Variants in SCLT1 observed in about 807,000 individuals in gnomAD.
The protein encoded by SCLT1 is sodium channel and clathrin linker 1, also known as sodium channel-associated protein 1.
Under a neutral mutation model 112.8 loss-of-function variants are expected in SCLT1, and 78 were observed. The observed-to-expected ratio is 0.69, with a 90% CI of 0.58 to 0.83. The LOEUF (loss-of-function observed/expected upper bound fraction) is 0.83, where lower values mean the gene tolerates loss of function less well. Ranked by LOEUF, SCLT1 falls within the 40% of genes least tolerant of loss-of-function variation. The pLI is 0.00. For synonymous variants in SCLT1, 257 were observed against 254.7 expected (o/e 1.01, Z -0.09); for missense variants, 747 against 770.4 (o/e 0.97, Z 0.36).
At chr4:128,921,382 CCAT>C (rs1735870711) in intron 18 of SCLT1, among the ~76,000 whole-genome samples, 1 of 151,982 alleles carries the variant, frequency 6.6e-6, no homozygotes, top group Admixed American at 6.6e-5. Flanking sequence ...ACTGGAGGCA[CCAT>C]GTTAATGAAT....
At chr4:128,923,442 C>T (rs1256468547) in intron 18 of SCLT1, among the ~76,000 whole-genome samples, 3 of 60,952 alleles carry the variant, frequency 4.9e-5, no homozygotes, top group Non-Finnish European at 5.9e-5. Flanking sequence ...GAGACTCCAT[C>T]TCAAAAAAAA....
intron 20 of SCLT1, among the ~76,000 whole-genome samples, chr4:128,885,158 C>T (rs912987646): frequency 6.6e-6 from 1 of 151,938 alleles, no homozygotes; most frequent in Admixed American, 6.6e-5. Context: ...CAATGCAAGG[C>T]TGATAATAAA....
At chr4:129,057,931 T>C (rs1749589697) in intron 2 of SCLT1, among the ~76,000 whole-genome samples, 1 of 152,034 alleles carries the variant, frequency 6.6e-6, no homozygotes, top group Non-Finnish European at 1.5e-5. Context: ...TTTGTATTTT[T>C]AGTAAAGACG....
intron 4 of SCLT1, chr4:129,039,988 T>A: frequency 1.9e-6 from 1 of 533,560 alleles, no homozygotes; most frequent in Non-Finnish European, 3.4e-6. Flanking sequence ...CGGTAACTAA[T>A]TCATGATTGT....
Position 129,035,872 on chromosome 4 carries a change from C to CT in SCLT1, c.290+3168dup, listed in dbSNP as rs1313010360. ...ATTTTTTTTTTACATTTTCCTCAGT[C>CT]TGAGTTTTATAAAATGACTTCATTA... On this transcript the variant is annotated intron_variant, in intron 5 of 20. Coordinates refer to ENST00000281142, the MANE Select transcript of SCLT1 (RefSeq NM_144643.4). Among the ~76,000 whole-genome samples, 14 of 151,554 alleles carry CT rather than the reference C, an allele frequency of 9.2e-5. No individual in the cohort carries two copies. The South Asian group carries it at 2.9e-3, about 32-fold the overall frequency.
Position 129,082,298 on chromosome 4 carries a change from T to C in SCLT1, c.102+8A>G. Reference sequence around the variant, plus strand: ...AATATTCCCAAGTAGAATTTATAATTTACATACCTGTACAGATGAATATTT... The same window carrying C: ...AATATTCCCAAGTAGAATTTATAATCTACATACCTGTACAGATGAATATTT... On this transcript the variant is annotated splice_region_variant and intron_variant, in intron 2 of 20. Coordinates refer to ENST00000281142, the MANE Select transcript of SCLT1 (RefSeq NM_144643.4). 7.4e-7 allele frequency: 1 copy of C among 1,348,948 alleles called. No homozygotes were observed. The highest frequency in any genetic ancestry group is 1.0e-6 in the Non-Finnish European group (1 of 981,034). The allele number at this position is 1,348,948 out of a possible 1,614,324, so 83.6% of individuals were successfully genotyped here.
At position 128,936,811 on chromosome 4, in the gene SCLT1, C is replaced by A; in HGVS notation, c.1673G>T (p.Gly558Val). 6.3e-7 allele frequency: 1 copy of A among 1,596,696 alleles called. No individual in the cohort carries two copies. The highest frequency in any genetic ancestry group is 8.6e-7 in the Non-Finnish European group (1 of 1,169,382). The change falls in exon 18 of 21, where the codon GGA becomes GTA. Residue 558 changes from glycine (G) to valine (V), a missense_variant. Coordinates refer to ENST00000281142, the MANE Select transcript of SCLT1 (RefSeq NM_144643.4). ...CATCTCTCTCAATTGAACTTCAAAT[C>A]CACGTTCCTTTATTGAAAATTCATG... The part of the protein sequence containing the change: ...MEHEFSIKER[G>V]FEVQLREMED...
intron 2 of SCLT1, among the ~76,000 whole-genome samples, chr4:129,070,011 T>A (rs1750849781): frequency 6.6e-6 from 1 of 152,198 alleles, no homozygotes; most frequent in East Asian, 1.9e-4. Context: ...ATTGAGATGA[T>A]CATGTGATTC....
At chr4:128,982,749 G>A (rs964190064) in intron 9 of SCLT1, among the ~76,000 whole-genome samples, 43 of 152,152 alleles carry the variant, frequency 2.8e-4, no homozygotes, top group African/African-American at 9.6e-4. Context: ...TGATCCACCC[G>A]CCTTGGCCTC....
chr4:128,945,982 T>A (rs1185184813), intron 16 of SCLT1, 25 bp downstream of exon 16: 2 of 1,543,814 alleles, frequency 1.3e-6, no homozygotes, highest in Non-Finnish European at 1.8e-6. Context: ...GATGTTATCA[T>A]AGAAAATCCA....
chr4:129,001,434 A>G (rs2126084933), intron 6 of SCLT1, among the ~76,000 whole-genome samples: 1 of 152,234 alleles, frequency 6.6e-6, no homozygotes, highest in South Asian at 2.1e-4. Flanking sequence ...ACAACTTACT[A>G]TTTGGACAAA....
intron 9 of SCLT1, among the ~76,000 whole-genome samples, chr4:128,990,768 A>G (rs944716411): frequency 6.6e-6 from 1 of 151,802 alleles, no homozygotes; most frequent in Non-Finnish European, 1.5e-5. Flanking sequence ...AACAAAAATC[A>G]GTATTATTTC....
At chr4:128,901,725 T>A (rs2125935937) in intron 18 of SCLT1, among the ~76,000 whole-genome samples, 1 of 152,160 alleles carries the variant, frequency 6.6e-6, no homozygotes, top group Non-Finnish European at 1.5e-5. Context: ...TTTTCAGGTC[T>A]CCTTTCCATT....
intron 11 of SCLT1, among the ~76,000 whole-genome samples, chr4:128,962,296 T>C (rs1739806485): frequency 6.6e-6 from 1 of 152,230 alleles, no homozygotes; most frequent in African/African-American, 2.4e-5. Flanking sequence ...AAGAGGGTTT[T>C]TTTCAGAATA....
chr4:128,971,411 G>C (rs1740680026), intron 9 of SCLT1: 1 of 152,002 alleles, frequency 6.6e-6, no homozygotes, highest in South Asian at 2.1e-4. Flanking sequence ...TCCTACAATA[G>C]AAAATACAAA....
intron 1 of SCLT1, among the ~76,000 whole-genome samples, chr4:129,087,511 C>T (rs1008707402): frequency 2.3e-4 from 34 of 149,998 alleles, no homozygotes; most frequent in African/African-American, 8.1e-4. Context: ...CTTTAAGAGG[C>T]TGAGGTGGGA....
At chr4:128,901,539 G>C (rs868184795) in intron 18 of SCLT1, among the ~76,000 whole-genome samples, 2 of 143,104 alleles carry the variant, frequency 1.4e-5, no homozygotes, top group East Asian at 2.1e-4. Flanking sequence ...TGGGGGGGGG[G>C]AGGGATAGCA....
intron 5 of SCLT1, among the ~76,000 whole-genome samples, chr4:129,009,390 T>G (rs1744318656): frequency 6.6e-6 from 1 of 152,034 alleles, no homozygotes; most frequent in Non-Finnish European, 1.5e-5. Flanking sequence ...GGTGGGCACC[T>G]GTAGTCCCAG....
At chr4:128,971,908 AGC>A (rs951463169) in intron 9 of SCLT1, 1 of 152,322 alleles carries the variant, frequency 6.6e-6, no homozygotes, top group African/African-American at 2.4e-5. Flanking sequence ...CTGTAGTCCC[AGC>A]TACTTGGGAG....
Sources: allele counts gnomAD v4.1 joint callset (sites outside exome capture counted in the v4.1 genomes callset), GRCh38; gene constraint gnomAD v4.1.1; transcripts MANE v1.5; gene names NCBI Gene and HGNC (gene_info 2026-07-23, HGNC 2026-07-21).